CAMSAP2: variants seen among roughly 807,000 people sequenced by gnomAD.
CAMSAP2 encodes the protein calmodulin-regulated spectrin-associated protein 2.
CAMSAP2 carries 26 observed loss-of-function variants against 146.1 expected under a neutral mutation model. The observed-to-expected ratio is 0.18, with a 90% CI of 0.13 to 0.25. The LOEUF is 0.25. CAMSAP2 is among the 10% of genes least tolerant of loss of function. The pLI is 1.00. For missense variants in CAMSAP2, 1,381 were observed against 1,759.3 expected (o/e 0.78, Z 3.85); for synonymous variants, 499 against 596.6 (o/e 0.84, Z 2.38).
chr1:200,828,741 A>G, intron 4 of CAMSAP2: 1 of 804,408 alleles, frequency 1.2e-6, no homozygotes, highest in South Asian at 1.7e-5. Context: ...AGGTCATGTA[A>G]AATGGAAAGA....
intron 4 of CAMSAP2, among the ~76,000 whole-genome samples, chr1:200,829,561 A>G (rs1666989327): frequency 6.6e-6 from 1 of 152,184 alleles, no homozygotes; most frequent in African/African-American, 2.4e-5. Context: ...TTTCAGATTT[A>G]AATATGGGGA....
chr1:200,831,442 T>G (rs6661661), intron 4 of CAMSAP2, among the ~76,000 whole-genome samples: 25,848 of 152,106 alleles, frequency 0.17, 2,926 homozygotes, highest in East Asian at 0.35. Context: ...AGAACCAGGA[T>G]CTGAACCAGG....
intron 4 of CAMSAP2, among the ~76,000 whole-genome samples, chr1:200,820,512 C>G (rs1190231220): frequency 1.3e-5 from 2 of 152,194 alleles, no homozygotes; most frequent in Non-Finnish European, 2.9e-5. Flanking sequence ...TTGCTTTTCA[C>G]TTTAAGGTGT....
rs35219206 is a variant in CAMSAP2 at position 200,754,574 on chromosome 1, CTTTTTTTTTTTTTTT to C, written c.140-6253_140-6239del. On this transcript the variant is annotated intron_variant, in intron 1 of 16. Transcript: ENST00000358823. ...ATTATTCTACCACAAGAAAGAGCTC[CTTTTTTTTTTTTTTT>C]TTTTTTTTTTTGAGACGAAGTCTGG... Among the ~76,000 whole-genome samples, 20 of 86,578 alleles carry C rather than the reference CTTTTTTTTTTTTTTT, an allele frequency of 2.3e-4. No homozygotes were observed. The South Asian group carries it at 5.8e-3, about 25-fold the overall frequency. The allele number at this position is 86,578 out of a possible 152,430, so 56.8% of individuals were successfully genotyped here. A position where few individuals can be genotyped will look rare whatever the true frequency, so the allele number is the denominator to read the frequency against.
chr1:200,819,444 G>C (rs929908073), intron 4 of CAMSAP2, among the ~76,000 whole-genome samples: 1 of 152,098 alleles, frequency 6.6e-6, no homozygotes, highest in Admixed American at 6.5e-5. Context: ...TCTGGAAGCC[G>C]TACTTGAACG....
At chr1:200,771,372 CAT>C (rs1558169700) in intron 2 of CAMSAP2, among the ~76,000 whole-genome samples, 1 of 151,958 alleles carries the variant, frequency 6.6e-6, no homozygotes, top group Non-Finnish European at 1.5e-5. Flanking sequence ...TTCAAGAACA[CAT>C]GTGAAATGAA....
Position 200,853,616 on chromosome 1 carries a change from T to C in CAMSAP2, c.3823+121T>C. 1 of 751,258 alleles carries C rather than the reference T, an allele frequency of 1.3e-6. No individual in the cohort carries two copies. Among genetic ancestry groups the C allele is most frequent in the Admixed American group, 2.9e-5 (1 of 35,018 alleles). The allele number at this position is 751,258 out of a possible 1,614,324, so 46.5% of individuals were successfully genotyped here. ...ATACACAGTTTGAGATTGTGCATGC[T>C]CCCTTTTGGAAAACCAAAATGAGCA... On this transcript the variant is annotated intron_variant, in intron 13 of 16. Transcript: ENST00000358823. This position sits in a 1 kb window ranked among gnomAD's most constrained non-coding sequence, Gnocchi z 5.1.
Position 200,852,586 on chromosome 1 carries a change from T to G in CAMSAP2, c.3511T>G (p.Leu1171Val), listed in dbSNP as rs1667649372. 1.2e-6 allele frequency: 2 copies of G among 1,613,856 alleles called. No homozygotes were observed. The highest frequency in any genetic ancestry group is 1.7e-6 in the Non-Finnish European group (2 of 1,179,910). Reference protein sequence around the residue: ...ENDMAMKRAALLEKRLRREKE... With the variant: ...ENDMAMKRAAVLEKRLRREKE... ...TGATATGGCAATGAAACGGGCAGCTTTGTTGGAGAAAAGATTAAGAAGGGA... is the reference window on the plus strand; with the variant it reads ...TGATATGGCAATGAAACGGGCAGCTGTGTTGGAGAAAAGATTAAGAAGGGA... The change falls in exon 12 of 17, where the codon TTG (leucine) becomes GTG (valine). Residue 1171 changes from leucine to valine, a missense_variant. Transcript: ENST00000358823.
intron 6 of CAMSAP2, among the ~76,000 whole-genome samples, chr1:200,841,022 C>T (rs1667310194): frequency 6.6e-6 from 1 of 152,022 alleles, no homozygotes; most frequent in Non-Finnish European, 1.5e-5. Context: ...TTAATCCTTT[C>T]TCTTAATTTT....
At chr1:200,823,669 A>C (rs1571801462) in intron 4 of CAMSAP2, among the ~76,000 whole-genome samples, 1 of 152,180 alleles carries the variant, frequency 6.6e-6, no homozygotes, top group South Asian at 2.1e-4. Context: ...AGTGATATTA[A>C]CCATGATCCC....
At chr1:200,830,942 C>G (rs1211178104) in intron 4 of CAMSAP2, among the ~76,000 whole-genome samples, 6 of 152,152 alleles carry the variant, frequency 3.9e-5, no homozygotes. Flanking sequence ...AATGCTGATG[C>G]TTTTCTGAGA....
chr1:200,759,280 A>ATTTTTT (rs374473632), intron 1 of CAMSAP2, among the ~76,000 whole-genome samples: 2 of 128,894 alleles, frequency 1.6e-5, no homozygotes, highest in Non-Finnish European at 3.2e-5. Flanking sequence ...CTGCTATTCT[A>ATTTTTT]TTTTTTTTTT....
chr1:200,794,595 T>A (rs1665834348), intron 2 of CAMSAP2, among the ~76,000 whole-genome samples: 1 of 152,206 alleles, frequency 6.6e-6, no homozygotes, highest in African/African-American at 2.4e-5. Flanking sequence ...CATATTTGAA[T>A]CTTAAAATGA....
At chr1:200,781,177 T>A (rs1251770181) in intron 2 of CAMSAP2, among the ~76,000 whole-genome samples, 2 of 152,220 alleles carry the variant, frequency 1.3e-5, no homozygotes, top group African/African-American at 4.8e-5. Flanking sequence ...AGTTTTTGGC[T>A]CAGGACCAAA....
At chr1:200,843,675 T>C (rs1667384321) in intron 7 of CAMSAP2, among the ~76,000 whole-genome samples, 1 of 152,192 alleles carries the variant, frequency 6.6e-6, no homozygotes, top group East Asian at 1.9e-4. Context: ...CAGAGTTACT[T>C]ACAAAAATAA....
rs1427551355 is a variant in CAMSAP2 at position 200,739,100 on chromosome 1, C to T, written c.-728C>T. ...TCGCCGTCAGCAAGGGAGGAAGACC[C>T]GGGAGACGGCAGCGGCGACGGCGGC... On this transcript the variant is annotated 5_prime_UTR_variant, in exon 1 of 17. Transcript: ENST00000358823. The surrounding 1 kb of genome is among the most constrained non-coding windows in gnomAD (Gnocchi z 4.8). 6.6e-6 allele frequency among the ~76,000 whole-genome samples: 1 copy of T among 152,006 alleles called. No homozygotes were observed. Among genetic ancestry groups the T allele is most frequent in the African/African-American group, 2.4e-5 (1 of 41,378 alleles).
chr1:200,835,561 A>G (rs1453970499), intron 6 of CAMSAP2, among the ~76,000 whole-genome samples: 2 of 152,180 alleles, frequency 1.3e-5, no homozygotes, highest in Non-Finnish European at 2.9e-5. Context: ...GACATTTCTA[A>G]AATAAGCCAC....
At position 200,788,540 on chromosome 1, in the gene CAMSAP2, G is replaced by A. The variant is rs1424757189; in HGVS notation, c.400-18836G>A. The stretch of plus-strand genomic sequence containing the variant: ...CCTGTTGTTCCACAGGAACTTTCCA[G>A]TCCAGTATTTGGTGTTGTCAGTGTT... On this transcript the variant is annotated intron_variant, in intron 2 of 16. Coordinates refer to ENST00000358823, the MANE Select transcript of CAMSAP2 (RefSeq NM_203459.4). 2.0e-5 allele frequency among the ~76,000 whole-genome samples: 3 copies of A among 152,098 alleles called. No individual in the cohort carries two copies. The East Asian group carries it at 5.8e-4, about 29-fold the overall frequency.
chr1:200,821,076 A>C (rs1666748306), intron 4 of CAMSAP2, among the ~76,000 whole-genome samples: 1 of 152,128 alleles, frequency 6.6e-6, no homozygotes, highest in African/African-American at 2.4e-5. Flanking sequence ...GTTAACTGTG[A>C]AGACATAGCC....
Sources: gnomAD v4.1 joint callset for allele counts (sites outside exome capture counted in the v4.1 genomes callset) on GRCh38, gnomAD v4.1.1 for gene constraint, Gnocchi (gnomAD v3.1) non-coding constraint, MANE v1.5 for transcripts, NCBI Gene and HGNC (gene_info 2026-07-23, HGNC 2026-07-21) for gene names.